Variants in CDH4 observed in about 807,000 individuals in gnomAD.
CDH4 encodes cadherin-4.
Under a neutral mutation model 86.0 loss-of-function variants are expected in CDH4, and 33 were observed. The ratio of observed to expected loss-of-function variants is 0.38; its 90% confidence interval spans 0.29 to 0.51. CDH4 has a LOEUF of 0.51. Among genes scored for constraint, CDH4 ranks in the 20% least tolerant of loss-of-function variants. The pLI is 0.86. For missense variants in CDH4, 1,114 were observed against 1,307.4 expected, an observed-to-expected ratio of 0.85 and a Z score of 2.28; for synonymous variants, 555 against 549.4, an observed-to-expected ratio of 1.01 and a Z score of -0.14.
chr20:61,925,098 C>T (rs559453501), intron 11 of CDH4, among the ~76,000 whole-genome samples: 2 of 151,996 alleles, frequency 1.3e-5, no homozygotes, highest in East Asian at 1.9e-4. Context: ...GGCAAGGTCC[C>T]GGGGCAGGCG....
intron 2 of CDH4, among the ~76,000 whole-genome samples, chr20:61,494,073 C>G (rs1176483744): frequency 6.6e-6 from 1 of 152,204 alleles, no homozygotes; most frequent in Admixed American, 6.5e-5. Context: ...CTGACTGCTG[C>G]TCATCACACA....
At chr20:61,892,430 CAA>C (rs1463817442) in intron 7 of CDH4, among the ~76,000 whole-genome samples, 1 of 152,176 alleles carries the variant, frequency 6.6e-6, no homozygotes, top group African/African-American at 2.4e-5. Context: ...GGGTTACAGA[CAA>C]TGATCAAGGG....
At chr20:61,673,317 T>A (rs1467513399) in intron 2 of CDH4, among the ~76,000 whole-genome samples, 2 of 152,178 alleles carry the variant, frequency 1.3e-5, no homozygotes, top group African/African-American at 4.8e-5. Flanking sequence ...CATGAGTCCA[T>A]CCTGGAAGGA....
At chr20:61,877,865 C>T (rs912332688) in intron 7 of CDH4, among the ~76,000 whole-genome samples, 4 of 152,248 alleles carry the variant, frequency 2.6e-5, no homozygotes, top group East Asian at 3.9e-4. Flanking sequence ...CCATGACCCC[C>T]GGAACGTCCC....
intron 4 of CDH4, among the ~76,000 whole-genome samples, chr20:61,779,625 C>A (rs1432626269): frequency 6.6e-6 from 1 of 152,250 alleles, no homozygotes; most frequent in Non-Finnish European, 1.5e-5. Context: ...TGCACATACA[C>A]CCCATTGCTT....
At chr20:61,372,411 G>A (rs1600911086) in intron 2 of CDH4, among the ~76,000 whole-genome samples, 1 of 152,216 alleles carries the variant, frequency 6.6e-6, no homozygotes, top group Non-Finnish European at 1.5e-5. Flanking sequence ...GTGCAGCACC[G>A]CCCTGCTGAG....
At chr20:61,483,461 G>A (rs1490816921) in intron 2 of CDH4, among the ~76,000 whole-genome samples, 1 of 152,198 alleles carries the variant, frequency 6.6e-6, no homozygotes, top group Non-Finnish European at 1.5e-5. Context: ...TTCATCCCAT[G>A]TCTGTGCACG....
intron 2 of CDH4, among the ~76,000 whole-genome samples, chr20:61,568,756 C>T (rs890246096): frequency 6.6e-6 from 1 of 152,202 alleles, no homozygotes; most frequent in African/African-American, 2.4e-5. Context: ...TCCTGACTTC[C>T]AGCCTTAGGC....
At chr20:61,323,922 C>T (rs1437241101) in intron 2 of CDH4, among the ~76,000 whole-genome samples, 1 of 152,102 alleles carries the variant, frequency 6.6e-6, no homozygotes, top group Non-Finnish European at 1.5e-5. Context: ...TGTGACTTAC[C>T]CAGAGACAAG....
At position 61,803,160 on chromosome 20, in the gene CDH4, G is replaced by C. The variant is rs1001153900; in HGVS notation, c.576+29978G>C. Reference sequence around the variant, plus strand: ...GTCGTTGACGGTGTGTCCGCGATGTGCTGTGGGGTCCCGTCGTGGCGGCTG... The same window carrying C: ...GTCGTTGACGGTGTGTCCGCGATGTCCTGTGGGGTCCCGTCGTGGCGGCTG... On this transcript the variant is annotated intron_variant, in intron 4 of 15. Transcript: ENST00000614565. 1.6e-3 allele frequency among the ~76,000 whole-genome samples: 240 copies of C among 152,198 alleles called. 2 individuals carry two copies. The highest frequency in any genetic ancestry group is 9.0e-4 in the Non-Finnish European group (61 of 68,022).
At chr20:61,644,373 G>A (rs535023331) in intron 2 of CDH4, among the ~76,000 whole-genome samples, 35 of 152,334 alleles carry the variant, frequency 2.3e-4, no homozygotes, top group South Asian at 1.4e-3. Context: ...AGAGCCCTTC[G>A]AGGACGGGGA....
At chr20:61,736,506 T>G (rs1353643277) in intron 2 of CDH4, among the ~76,000 whole-genome samples, 3 of 152,150 alleles carry the variant, frequency 2.0e-5, no homozygotes, top group African/African-American at 7.2e-5. Context: ...ATGTCTGTCC[T>G]GCCCCACACT....
intron 4 of CDH4, among the ~76,000 whole-genome samples, chr20:61,809,892 C>T (rs1048894313): frequency 2.6e-5 from 4 of 151,966 alleles, no homozygotes; most frequent in African/African-American, 7.3e-5. Context: ...GGCCACAGAC[C>T]GTGGTGAAGA....
chr20:61,556,478 A>G (rs992190511), intron 2 of CDH4, among the ~76,000 whole-genome samples: 4 of 152,182 alleles, frequency 2.6e-5, no homozygotes, highest in African/African-American at 9.7e-5. Context: ...AAACAGCAGA[A>G]GGATCTTTTA....
intron 2 of CDH4, among the ~76,000 whole-genome samples, chr20:61,602,720 A>AAAC (rs11473391): frequency 6.8e-6 from 1 of 147,588 alleles, no homozygotes. Context: ...AAAAAAAAAA[A>AAAC]CTTGAGCACC....
At chr20:61,330,728 C>T (rs990363505) in intron 2 of CDH4, among the ~76,000 whole-genome samples, 4 of 152,194 alleles carry the variant, frequency 2.6e-5, no homozygotes, top group African/African-American at 9.7e-5. Flanking sequence ...GCTTTTCTCA[C>T]GTGAGATTAA....
chr20:61,929,821 A>G lies in CDH4; in HGVS notation c.2218A>G (p.Ile740Val). ...LGTGAIVAIL[I>V]CILILLTMVL... is the part of the protein sequence containing the mutation. ...CACCGGTGCCATCGTGGCCATCCTCATCTGCATCCTCATCCTGCTGAGTGA... is the reference window on the plus strand; with the variant it reads ...CACCGGTGCCATCGTGGCCATCCTCGTCTGCATCCTCATCCTGCTGAGTGA... The change falls in exon 13 of 16, where the codon ATC becomes GTC. Residue 740 changes from isoleucine (I) to valine (V), a missense_variant. Transcript: ENST00000614565. The G allele has an allele frequency of 1.2e-6, 2 of 1,613,894 alleles. No individual in the cohort carries two copies. The highest frequency in any genetic ancestry group is 1.7e-6 in the Non-Finnish European group (2 of 1,179,946).
rs773063604 is a variant in CDH4 at position 61,873,732 on chromosome 20, C to G, written c.882C>G (p.Thr294=). ...GAGCTGCTGTCTCCGTTCCAGGCAC[C>G]TACGTGATGACCGTCACGGCCAACG... The part of the protein sequence containing the change: ...GSVDEGSKPG[T]YVMTVTANDA... Residue 294 remains threonine (T), a synonymous_variant, in exon 7 of 16, where the codon ACC becomes ACG. Transcript: ENST00000614565. 1.2e-5 allele frequency: 20 copies of G among 1,613,004 alleles called. No individual in the cohort carries two copies. In the South Asian group the frequency reaches 2.1e-4, roughly 17 times the overall value.
chr20:61,295,271 GT>G (rs2084345930), intron 2 of CDH4, among the ~76,000 whole-genome samples: 1 of 152,192 alleles, frequency 6.6e-6, no homozygotes, highest in Non-Finnish European at 1.5e-5. Flanking sequence ...GTTTACTGAT[GT>G]TTTACATGTG....
Sources: gnomAD v4.1 joint callset for allele counts (sites outside exome capture counted in the v4.1 genomes callset) on GRCh38, gnomAD v4.1.1 for gene constraint, MANE v1.5 for transcripts, NCBI Gene and HGNC (gene_info 2026-07-23, HGNC 2026-07-21) for gene names.